The following DAB1 variants were observed in gnomAD, a reference collection of about 807,000 sequenced individuals.
DAB1 encodes DAB adaptor protein 1.
DAB1 carries 15 observed loss-of-function variants against 64.6 expected under a neutral mutation model. The ratio of observed to expected loss-of-function variants is 0.23; its 90% CI spans 0.16 to 0.36. DAB1 has a LOEUF of 0.36. Ranked by LOEUF, DAB1 falls within the 10% of genes least tolerant of loss-of-function variation. DAB1 has a pLI of 1.00. For synonymous variants in DAB1, 235 were observed against 251.9 expected (o/e 0.93, Z 0.64); for missense variants, 596 against 706.7 (o/e 0.84, Z 1.78).
chr1:58,493,048 C>T (rs1645727724), intron 3 of DAB1, among the ~76,000 whole-genome samples: 1 of 152,202 alleles, frequency 6.6e-6, no homozygotes, highest in East Asian at 1.9e-4. Context: ...TCCAGCAGCA[C>T]ATCGAAAAGC....
chr1:58,160,002 T>C (rs1450963656), intron 4 of DAB1, among the ~76,000 whole-genome samples: 4 of 152,204 alleles, frequency 2.6e-5, no homozygotes, highest in African/African-American at 9.6e-5. Flanking sequence ...ATACCTTTTT[T>C]TTTTCTTAAA....
chr1:57,906,350 G>A (rs1644551097), intron 5 of DAB1, among the ~76,000 whole-genome samples: 1 of 152,036 alleles, frequency 6.6e-6, no homozygotes, highest in Non-Finnish European at 1.5e-5. Context: ...TACCTTCATT[G>A]AACATGAGGA....
chr1:57,436,478 A>G (rs143493623), intron 7 of DAB1, among the ~76,000 whole-genome samples: 374 of 152,338 alleles, frequency 2.5e-3, no homozygotes, highest in African/African-American at 7.5e-3. Context: ...ACCAGCCCCT[A>G]CAACCCTTGT....
intron 3 of DAB1, among the ~76,000 whole-genome samples, chr1:58,416,394 G>A (rs1644721124): frequency 1.3e-5 from 2 of 152,126 alleles, no homozygotes; most frequent in African/African-American, 4.8e-5. Context: ...GATAGCAAGA[G>A]TATTAATAAT....
At chr1:58,478,057 C>A (rs1020525368) in intron 3 of DAB1, among the ~76,000 whole-genome samples, 1 of 152,122 alleles carries the variant, frequency 6.6e-6, no homozygotes, top group Admixed American at 6.5e-5. Context: ...GACTCTGTGT[C>A]CCCACCCAAA....
chr1:57,940,595 T>C (rs1884482), intron 5 of DAB1, among the ~76,000 whole-genome samples: 61,314 of 152,072 alleles, frequency 0.4, 13,512 homozygotes, highest in Admixed American at 0.51. Context: ...AGATTCTGGT[T>C]CTGTGGGTCT....
chr1:57,596,112 T>G (rs2101578023), intron 7 of DAB1, among the ~76,000 whole-genome samples: 1 of 152,340 alleles, frequency 6.6e-6, no homozygotes, highest in South Asian at 2.1e-4. Context: ...TTTGTTAGGC[T>G]GATTCTCTAG....
At chr1:57,573,709 C>T (rs974139797) in intron 7 of DAB1, among the ~76,000 whole-genome samples, 1 of 152,190 alleles carries the variant, frequency 6.6e-6, no homozygotes, top group Non-Finnish European at 1.5e-5. Context: ...CGTATGGTTA[C>T]AGCATCCAGG....
chr1:57,963,580 C>T (rs1271766435), intron 5 of DAB1, among the ~76,000 whole-genome samples: 1 of 152,168 alleles, frequency 6.6e-6, no homozygotes, highest in Non-Finnish European at 1.5e-5. Flanking sequence ...TAAATGATTT[C>T]TTGTTGTTGA....
At chr1:57,100,376 T>C (rs964468745) in intron 4 of DAB1, among the ~76,000 whole-genome samples, 1 of 152,222 alleles carries the variant, frequency 6.6e-6, no homozygotes, top group Non-Finnish European at 1.5e-5. Flanking sequence ...CAAGTAGCTA[T>C]ACTGTTTGTT....
chr1:58,111,649 AG>A (rs1273837751), intron 5 of DAB1, among the ~76,000 whole-genome samples: 1 of 152,068 alleles, frequency 6.6e-6, no homozygotes, highest in Non-Finnish European at 1.5e-5. Context: ...TACCACAGTA[AG>A]TCCTGTTCTC....
chr1:58,356,005 C>A (rs1348597387), intron 3 of DAB1, among the ~76,000 whole-genome samples: 1 of 152,202 alleles, frequency 6.6e-6, no homozygotes, highest in East Asian at 1.9e-4. Flanking sequence ...GAAGGAAAAA[C>A]CACAGTACTC....
chr1:57,390,373 T>C (rs1325063581), intron 1 of DAB1, among the ~76,000 whole-genome samples: 2 of 152,198 alleles, frequency 1.3e-5, no homozygotes, highest in Non-Finnish European at 2.9e-5. Flanking sequence ...TACTCCTAAG[T>C]ATAAATGAGA....
intron 7 of DAB1, among the ~76,000 whole-genome samples, chr1:57,468,685 C>A (rs1687038398): frequency 1.3e-5 from 2 of 151,818 alleles, no homozygotes; most frequent in Admixed American, 1.3e-4. Flanking sequence ...TCACAGCCAT[C>A]CAAGAAAAAA....
chr1:58,126,255 G>A (rs995223207), intron 5 of DAB1, among the ~76,000 whole-genome samples: 5 of 152,048 alleles, frequency 3.3e-5, no homozygotes, highest in East Asian at 3.9e-4. Flanking sequence ...AACAGGAAAC[G>A]AAGAAGGGAA....
chr1:58,038,117 G>T (rs751390639), intron 5 of DAB1, among the ~76,000 whole-genome samples: 10 of 152,116 alleles, frequency 6.6e-5, no homozygotes, highest in Non-Finnish European at 1.5e-4. Context: ...ATGAATATAT[G>T]GCCCTCTTAT....
chr1:58,129,150 A>G (rs1172798302), intron 5 of DAB1, among the ~76,000 whole-genome samples: 2 of 151,166 alleles, frequency 1.3e-5, no homozygotes, highest in Admixed American at 6.6e-5. Context: ...TTATTGGTCT[A>G]TTCAGGGATT....
intron 3 of DAB1, among the ~76,000 whole-genome samples, chr1:58,403,177 C>T (rs906077334): frequency 1.2e-4 from 19 of 152,240 alleles, no homozygotes; most frequent in South Asian, 6.2e-4. Flanking sequence ...GTCCCTGATC[C>T]TTGCCCATAC....
chr1:57,049,886 G>A (rs546960140), intron 9 of DAB1, among the ~76,000 whole-genome samples: 1 of 152,330 alleles, frequency 6.6e-6, no homozygotes, highest in East Asian at 1.9e-4. Flanking sequence ...AAGAAGCAGT[G>A]AGTTCTCTCC....
Sources: allele counts gnomAD v4.1 joint callset (sites outside exome capture counted in the v4.1 genomes callset), GRCh38; gene constraint gnomAD v4.1.1; transcripts MANE v1.5; gene names NCBI Gene and HGNC (gene_info 2026-07-23, HGNC 2026-07-21).